RGS20: variants seen among roughly 807,000 people sequenced by gnomAD.
RGS20 encodes the protein gz-selective GTPase-activating protein.
Under a neutral mutation model 33.6 loss-of-function variants are expected in RGS20, and 30 were observed. The ratio of observed to expected loss-of-function variants is 0.89; its 90% CI spans 0.67 to 1.21. The LOEUF is 1.21. Among genes scored for constraint, RGS20 ranks in the 50% most tolerant of loss-of-function variants. The probability of loss-of-function intolerance (pLI) is 0.00; values close to 1 mark genes in which losing one functional copy is unlikely to be tolerated. For synonymous variants in RGS20, 208 were observed against 197.9 expected (o/e 1.05, Z -0.43); for missense variants, 472 against 502.4 (o/e 0.94, Z 0.58).
intron 2 of RGS20, among the ~76,000 whole-genome samples, chr8:53,924,084 T>TA (rs1434761088): frequency 4.6e-5 from 7 of 152,030 alleles, no homozygotes; most frequent in Non-Finnish European, 1.0e-4. Flanking sequence ...ATGGAATGAT[T>TA]ATAGTTCACT....
At chr8:53,910,763 C>G (rs940955296) in intron 2 of RGS20, among the ~76,000 whole-genome samples, 2 of 152,156 alleles carry the variant, frequency 1.3e-5, no homozygotes, top group African/African-American at 4.8e-5. Context: ...CAAGAATGAA[C>G]TACTGATACA....
chr8:53,899,668 T>A (rs1812959779), intron 2 of RGS20, among the ~76,000 whole-genome samples: 1 of 152,216 alleles, frequency 6.6e-6, no homozygotes, highest in Admixed American at 6.5e-5. Flanking sequence ...GTTCATATGA[T>A]ACGTGGCCTT....
Position 53,958,260 on chromosome 8 carries a change from C to G in RGS20, c.979-10C>G. On this transcript the variant is annotated splice_polypyrimidine_tract_variant and intron_variant, in intron 5 of 5. Transcript: ENST00000297313. ...TCTCTAATACAGCTCCTACTCGTTT[C>G]TGTCGACAGGTGAGCTTAGACTCCC... 1 of 1,593,560 alleles carries G rather than the reference C, an allele frequency of 6.3e-7. No homozygotes were observed. The highest frequency in any genetic ancestry group is 1.7e-4 in the Middle Eastern group (1 of 5,972).
chr8:53,949,526 G>T lies in RGS20; in HGVS notation c.743+2778G>T, dbSNP rs576060065. ...GAGGTCAGGAGTTTGAGACCAGCCT[G>T]GCTGACATGGTGAAACCCCTTTTCT... is the stretch of plus-strand genomic sequence containing the variant. On this transcript the variant is annotated intron_variant, in intron 4 of 5. Coordinates refer to ENST00000297313, the MANE Select transcript of RGS20 (RefSeq NM_170587.4). 9.9e-5 allele frequency among the ~76,000 whole-genome samples: 15 copies of T among 151,964 alleles called. No individual in the cohort carries two copies. The South Asian group carries it at 3.1e-3, about 32-fold the overall frequency.
At chr8:53,947,046 T>C (rs1248359612) in intron 4 of RGS20, among the ~76,000 whole-genome samples, 1 of 147,392 alleles carries the variant, frequency 6.8e-6, no homozygotes, top group African/African-American at 2.5e-5. Context: ...CTTTTAAAAA[T>C]AAAAGTATAT....
chr8:53,869,241 T>C (rs1811998076), intron 1 of RGS20, among the ~76,000 whole-genome samples: 2 of 152,224 alleles, frequency 1.3e-5, no homozygotes, highest in South Asian at 4.1e-4. Flanking sequence ...TTTTTCTTTT[T>C]AGTTAGCTAG....
At chr8:53,858,892 TA>T (rs76466731) in intron 1 of RGS20, among the ~76,000 whole-genome samples, 3,156 of 84,516 alleles carry the variant, frequency 0.037, 43 homozygotes, top group African/African-American at 0.048. Context: ...GGGTTATGTT[TA>T]AAAAAAAAAA....
chr8:53,941,039 T>C (rs1172822425), intron 3 of RGS20, among the ~76,000 whole-genome samples: 1 of 152,182 alleles, frequency 6.6e-6, no homozygotes, highest in Non-Finnish European at 1.5e-5. Flanking sequence ...CGTTCAAACC[T>C]TCCGCTCCCT....
intron 2 of RGS20, among the ~76,000 whole-genome samples, chr8:53,937,546 A>G (rs1456355192): frequency 2.0e-5 from 3 of 152,190 alleles, no homozygotes; most frequent in Non-Finnish European, 4.4e-5. Flanking sequence ...ATCTAATTAA[A>G]CTAAAGAACT....
intron 1 of RGS20, among the ~76,000 whole-genome samples, chr8:53,876,922 G>T (rs1812221782): frequency 6.6e-6 from 1 of 152,226 alleles, no homozygotes; most frequent in South Asian, 2.1e-4. Flanking sequence ...TCGAAGCACA[G>T]GACCGAAGCA....
At chr8:53,880,227 C>G (rs1430212668) in intron 2 of RGS20, 1 of 152,414 alleles carries the variant, frequency 6.6e-6, no homozygotes, top group Non-Finnish European at 1.5e-5. Flanking sequence ...CTCCGGAGTC[C>G]CTGGAGAAGG....
chr8:53,864,935 C>T (rs995326807), intron 1 of RGS20, among the ~76,000 whole-genome samples: 1 of 152,160 alleles, frequency 6.6e-6, no homozygotes, highest in African/African-American at 2.4e-5. Flanking sequence ...CTTTAAAATG[C>T]CAAGCAAAGC....
intron 3 of RGS20, among the ~76,000 whole-genome samples, chr8:53,940,542 G>C (rs16919694): frequency 0.054 from 8,180 of 152,230 alleles, 569 homozygotes; most frequent in African/African-American, 0.16. Flanking sequence ...ATCACGAACC[G>C]TGAAATGGAA....
At chr8:53,912,072 A>G (rs1439830933) in intron 2 of RGS20, among the ~76,000 whole-genome samples, 25 of 152,236 alleles carry the variant, frequency 1.6e-4, no homozygotes, top group Admixed American at 1.6e-3. Context: ...TATTCATAAT[A>G]GGAACATAAA....
rs1408316739 is a variant in RGS20, at chr8:53,909,207, GTGTATATATATATATATATA to G, written c.510+29607_510+29626del. 3.8e-4 allele frequency among the ~76,000 whole-genome samples: 32 copies of G among 83,140 alleles called. 1 individual carries two copies. The highest frequency in any genetic ancestry group is 9.0e-4 in the African/African-American group (17 of 18,912). The allele number at this position is 83,140 out of a possible 152,430, so 54.5% of individuals were successfully genotyped here. A position where few individuals can be genotyped will look rare whatever the true frequency, so the allele number is the denominator to read the frequency against. On this transcript the variant is annotated intron_variant, in intron 2 of 5. Coordinates refer to ENST00000297313, the MANE Select transcript of RGS20 (RefSeq NM_170587.4). ...TACTCTATTATCCATTATGGTATGTGTGTATATATATATATATATATATATATATATATATATATATATAT... is the reference window on the plus strand; with the variant it reads ...TACTCTATTATCCATTATGGTATGTGTATATATATATATATATATATATAT...
At chr8:53,957,158 GCT>G (rs1563442710) in intron 5 of RGS20, among the ~76,000 whole-genome samples, 1 of 152,134 alleles carries the variant, frequency 6.6e-6, no homozygotes, top group African/African-American at 2.4e-5. Context: ...ATGGAGTCTC[GCT>G]CTGTTGCCCA....
chr8:53,905,928 C>A (rs1048779344), intron 2 of RGS20, among the ~76,000 whole-genome samples: 2 of 152,204 alleles, frequency 1.3e-5, no homozygotes, highest in Admixed American at 1.3e-4. Context: ...CCCCAACACA[C>A]TTTATGCCTC....
At chr8:53,883,836 C>T (rs1812465398) in intron 2 of RGS20, among the ~76,000 whole-genome samples, 2 of 151,838 alleles carry the variant, frequency 1.3e-5, no homozygotes, top group Admixed American at 1.3e-4. Flanking sequence ...ATCCCAGTTA[C>T]TCTGGGGGCT....
Position 53,880,947 on chromosome 8 carries a change from G to A in RGS20, c.510+1345G>A. The A allele has an allele frequency of 6.4e-7, 1 of 1,564,762 alleles. No homozygotes were observed. Among genetic ancestry groups the A allele is most frequent in the East Asian group, 2.3e-5 (1 of 43,380 alleles). ...GAGCCGGAGAAAGGCGAAAGGCGCG[G>A]TGAGCAATCGCCGACGTAGAGAGGG... On this transcript the variant is annotated intron_variant, in intron 2 of 5. In the 5' UTR this introduces an upstream ATG that the reference lacks. Transcript: ENST00000297313.
Sources: gnomAD v4.1 joint callset for allele counts (sites outside exome capture counted in the v4.1 genomes callset) on GRCh38, gnomAD v4.1.1 for gene constraint, MANE v1.5 for transcripts, NCBI Gene and HGNC (gene_info 2026-07-23, HGNC 2026-07-21) for gene names.